Variants in FAM246B observed in about 807,000 individuals in gnomAD.
FAM246B encodes the protein family with sequence similarity 246 member B.
chr22:18,634,925 AG>A (rs1933698857), downstream of FAM246B, among the ~76,000 whole-genome samples: 1 of 148,572 alleles, frequency 6.7e-6, no homozygotes, highest in Non-Finnish European at 1.5e-5. Flanking sequence ...GGTCCTTGCG[AG>A]AGACTGAGTC....
chr22:18,634,057 C>A (rs1159720989), exon 1 of FAM246B, among the ~76,000 whole-genome samples: 1 of 54,522 alleles, frequency 1.8e-5, no homozygotes, highest in Non-Finnish European at 4.2e-5. Flanking sequence ...CGGCGCGTCA[C>A]GGGCCGCCGG....
At chr22:18,635,123 T>C (rs1933702155), downstream of FAM246B, among the ~76,000 whole-genome samples, 1 of 131,264 alleles carries the variant, frequency 7.6e-6, no homozygotes, top group African/African-American at 2.5e-5. Context: ...CTCCACGCAC[T>C]GGAATAGTGT....
At chr22:18,634,902 G>A (rs1338443581), downstream of FAM246B, among the ~76,000 whole-genome samples, 1 of 148,902 alleles carries the variant, frequency 6.7e-6, no homozygotes, top group Admixed American at 6.7e-5. Flanking sequence ...TGGGGAGTGC[G>A]GATGGGAGCC....
chr22:18,634,066 G>A lies in FAM246B; in HGVS notation c.83G>A (p.Arg28Gln), dbSNP rs1933687318. Among the ~76,000 whole-genome samples the A allele has an allele frequency of 3.6e-5, 2 of 55,386 alleles. 1 individual carries two copies. The highest frequency in any genetic ancestry group is 8.3e-5 in the Non-Finnish European group (2 of 23,988). The allele number at this position is 55,386 out of a possible 152,430, so 36.3% of individuals were successfully genotyped here. The change falls in exon 1 of 1, where the codon CGG becomes CAG. Residue 28 changes from arginine (R) to glutamine (Q), a missense_variant. Physicochemically the swap from Arg to Gln is conservative, Grantham distance 43. Transcript: ENST00000652395. Reference sequence around the variant, plus strand: ...GTGCTGCGGCGCGTCACGGGCCGCCGGCGGGACCCGGGGCCGCAATCCAAT... The same window carrying A: ...GTGCTGCGGCGCGTCACGGGCCGCCAGCGGGACCCGGGGCCGCAATCCAAT...
downstream of FAM246B, among the ~76,000 whole-genome samples, chr22:18,634,938 G>A (rs1163548355): frequency 1.3e-5 from 2 of 148,362 alleles, no homozygotes; most frequent in African/African-American, 4.9e-5. Flanking sequence ...GACTGAGTCC[G>A]GCTAGAGAAC....
exon 1 of FAM246B, among the ~76,000 whole-genome samples, chr22:18,634,183 C>T (rs1215718486): frequency 3.5e-5 from 2 of 56,572 alleles, no homozygotes; most frequent in African/African-American, 1.1e-4. Flanking sequence ...TCCGAGGTGC[C>T]GCGGCTGCTG....
chr22:18,634,041 G>T (rs1255888931), exon 1 of FAM246B, among the ~76,000 whole-genome samples: 2 of 53,302 alleles, frequency 3.8e-5, no homozygotes, highest in African/African-American at 1.2e-4. Flanking sequence ...AGCCAGCGAG[G>T]TGCTGCGGCG....
chr22:18,634,602 G>A (rs1933692689), exon 1 of FAM246B, among the ~76,000 whole-genome samples: 1 of 62,538 alleles, frequency 1.6e-5, no homozygotes, highest in Non-Finnish European at 4.0e-5. Flanking sequence ...AGCAGAATGC[G>A]GAGCGCACCG....
Position 18,634,091 on chromosome 22 carries a change from TGGGCC to T in FAM246B, c.117_121del (p.Glu41ArgfsTer94), listed in dbSNP as rs1406512940. On this transcript the variant is annotated frameshift_variant, in exon 1 of 1. Coordinates refer to ENST00000652395, the Ensembl canonical transcript of FAM246B. LOFTEE classifies it high-confidence loss of function. ...GGCGGGACCCGGGGCCGCAATCCAATGGGCCGGGCCGGGAAGACGCCCGAGCCCCG... is the reference window on the plus strand; with the variant it reads ...GGCGGGACCCGGGGCCGCAATCCAATGGGCCGGGAAGACGCCCGAGCCCCG... Among the ~76,000 whole-genome samples the T allele has an allele frequency of 3.5e-5, 2 of 56,644 alleles. 1 individual carries two copies. The highest frequency in any genetic ancestry group is 1.1e-4 in the African/African-American group (2 of 18,248). The allele number at this position is 56,644 out of a possible 152,430, so 37.2% of individuals were successfully genotyped here. A position where few individuals can be genotyped will look rare whatever the true frequency, so the allele number is the denominator to read the frequency against.
In FAM246B at chr22:18,634,559, C is replaced by T. The variant is rs1383268001; in HGVS notation, c.576C>T (p.Ala192=). Residue 192 remains alanine, a synonymous_variant, in exon 1 of 1, where the codon GCC becomes GCT. Coordinates refer to ENST00000652395, the Ensembl canonical transcript of FAM246B. Reference sequence around the variant, plus strand: ...GCACCGTGAGCGCCCTGGTCGCCGCCTCCAGGCCCGCAGACGACGCCCCGG... The same window carrying T: ...GCACCGTGAGCGCCCTGGTCGCCGCTTCCAGGCCCGCAGACGACGCCCCGG... Among the ~76,000 whole-genome samples, 3 of 62,188 alleles carry T rather than the reference C, an allele frequency of 4.8e-5. 1 individual carries two copies. Among genetic ancestry groups the T allele is most frequent in the Admixed American group, 4.0e-4 (2 of 5,046 alleles). 40.8% of individuals were successfully genotyped at this position (62,188 alleles called of 152,430 possible).
chr22:18,634,913 G>A (rs1383424197), downstream of FAM246B, among the ~76,000 whole-genome samples: 1 of 149,016 alleles, frequency 6.7e-6, no homozygotes, highest in Non-Finnish European at 1.5e-5. Flanking sequence ...GATGGGAGCC[G>A]GGGTCCTTGC....
In FAM246B at chr22:18,634,261, G is replaced by A. The variant is rs1280927275; in HGVS notation, c.278G>A (p.Gly93Asp). Reference sequence around the variant, plus strand: ...GAGAGGACCGGCGCGCACAGCCGCGGCTCCGTGTGCTCAGTATGCGGGGAG... The same window carrying A: ...GAGAGGACCGGCGCGCACAGCCGCGACTCCGTGTGCTCAGTATGCGGGGAG... The change falls in exon 1 of 1, where the codon GGC becomes GAC. Residue 93 changes from glycine (G) to aspartate (D), a missense_variant. Gly to Asp is a moderately conservative substitution (Grantham distance 94, BLOSUM62 -1). Transcript: ENST00000652395. 3.8e-5 allele frequency among the ~76,000 whole-genome samples: 2 copies of A among 52,606 alleles called. 1 individual carries two copies. Among genetic ancestry groups the A allele is most frequent in the African/African-American group, 1.1e-4 (2 of 17,992 alleles). 34.5% of individuals were successfully genotyped at this position (52,606 alleles called of 152,430 possible). A position where few individuals can be genotyped will look rare whatever the true frequency, so the allele number is the denominator to read the frequency against.
chr22:18,634,451 G>T (rs1483016097), exon 1 of FAM246B, among the ~76,000 whole-genome samples: 2,732 of 58,536 alleles, frequency 0.047, 806 homozygotes, highest in African/African-American at 0.12. Context: ...TGCCGCCGCC[G>T]CCGCCGTCCC....
At chr22:18,634,062 C>T (rs1933687297) in exon 1 of FAM246B, among the ~76,000 whole-genome samples, 1 of 54,778 alleles carries the variant, frequency 1.8e-5, no homozygotes, top group Non-Finnish European at 4.2e-5. Flanking sequence ...CGTCACGGGC[C>T]GCCGGCGGGA....
rs558825079 is a variant in FAM246B at position 18,634,441 on chromosome 22, T to TGCCGCC, written c.469_474dup (p.Pro157_Pro158dup). Among the ~76,000 whole-genome samples, 5 of 55,074 alleles carry TGCCGCC rather than the reference T, an allele frequency of 9.1e-5. 2 individuals carry two copies. Among genetic ancestry groups the TGCCGCC allele is most frequent in the Admixed American group, 4.4e-4 (2 of 4,552 alleles). 36.1% of individuals were successfully genotyped at this position (55,074 alleles called of 152,430 possible). ...GAGCTGGACGCTCTGCGCGCGCTGC[T>TGCCGCC]GCCGCCGCCGCCGCCGTCCCCGCCT... On this transcript the variant is annotated inframe_insertion, in exon 1 of 1. Coordinates refer to ENST00000652395, the Ensembl canonical transcript of FAM246B.
downstream of FAM246B, among the ~76,000 whole-genome samples, chr22:18,635,063 G>A (rs1380426597): frequency 7.3e-6 from 1 of 136,862 alleles, no homozygotes; most frequent in African/African-American, 2.5e-5. Context: ...CTCTTCCTTG[G>A]GGTGACTGCA....
rs1276107742 is a variant in FAM246B at position 18,634,028 on chromosome 22, C to G, written c.45C>G (p.Tyr15Ter). The stretch of plus-strand genomic sequence containing the variant: ...CGTGGGCCCAGGCGCGTAGTGCGTA[C>G]AGAGCCAGCGAGGTGCTGCGGCGCG... Residue 15 changes from tyrosine to a stop codon, truncating the protein, a stop_gained, in exon 1 of 1, where the codon TAC (tyrosine) becomes TAG (stop). Transcript: ENST00000652395. LOFTEE classifies it high-confidence loss of function. Among the ~76,000 whole-genome samples the G allele has an allele frequency of 7.7e-5, 4 of 51,748 alleles. 2 individuals are homozygous for G. Among genetic ancestry groups the G allele is most frequent in the Non-Finnish European group, 1.8e-4 (4 of 22,730 alleles). The allele number at this position is 51,748 out of a possible 152,430, so 33.9% of individuals were successfully genotyped here.
At chr22:18,635,151 C>T (rs970676501), downstream of FAM246B, among the ~76,000 whole-genome samples, 2 of 126,712 alleles carry the variant, frequency 1.6e-5, no homozygotes, top group Non-Finnish European at 3.7e-5. Context: ...CACACAAGGG[C>T]ACAGAACCCA....
chr22:18,635,164 G>A (rs1267677855), downstream of FAM246B, among the ~76,000 whole-genome samples: 4 of 123,478 alleles, frequency 3.2e-5, no homozygotes, highest in South Asian at 2.8e-4. Context: ...AGAACCCAGG[G>A]ACACAGGGCG....
Sources: gnomAD v4.1 joint callset for allele counts (sites outside exome capture counted in the v4.1 genomes callset) on GRCh38, gnomAD v4.1.1 for gene constraint, MANE v1.5 for transcripts, NCBI Gene and HGNC (gene_info 2026-07-23, HGNC 2026-07-21) for gene names.